DDX31: variants seen among roughly 807,000 people sequenced by gnomAD.
DDX31 encodes DEAD-box helicase 31, also known as ATP-dependent DNA helicase DDX31.
In DDX31, 70 loss-of-function variants were observed where a neutral mutation model predicts 91.3. That is an observed-to-expected ratio of 0.77 (90% CI 0.63 to 0.94). The LOEUF (loss-of-function observed/expected upper bound fraction) is 0.94. Among genes scored for constraint, DDX31 ranks in the 40% least tolerant of loss-of-function variants. The pLI, the probability that DDX31 is intolerant of heterozygous loss-of-function variation, is 0.00. For synonymous variants in DDX31, 362 were observed against 350.6 expected (o/e 1.03, Z -0.36); for missense variants, 902 against 925.0 (o/e 0.98, Z 0.32).
intron 6 of DDX31, chr9:132,658,135 A>G: frequency 3.5e-6 from 2 of 578,196 alleles, no homozygotes; most frequent in Non-Finnish European, 6.2e-6. Flanking sequence ...AAAAGGTCCC[A>G]CGTTAGGTAC....
intron 14 of DDX31, among the ~76,000 whole-genome samples, chr9:132,633,552 T>C (rs541303625): frequency 1.3e-5 from 2 of 152,228 alleles, no homozygotes; most frequent in Non-Finnish European, 2.9e-5. Flanking sequence ...GATTTCTATA[T>C]ACGGATATGG....
chr9:132,634,874 C>T (rs1833010737), intron 14 of DDX31, among the ~76,000 whole-genome samples: 1 of 152,124 alleles, frequency 6.6e-6, no homozygotes, highest in Non-Finnish European at 1.5e-5. Context: ...CCTTAAGATG[C>T]CTCTTACAGT....
At position 132,618,404 on chromosome 9, in the gene DDX31, C is replaced by A; in HGVS notation, c.1751G>T (p.Arg584Leu). Residue 584 changes from arginine to leucine, a missense_variant, in exon 18 of 20, where the codon CGA becomes CTA. Physicochemically the swap from Arg to Leu is moderately radical, Grantham distance 102. Coordinates refer to ENST00000372159, the MANE Select transcript of DDX31 (RefSeq NM_022779.9). ...HAVGPQEIRE[R>L]ATVLQTVFED... ...AAATACCGTCTGCAAGACTGTGGCT[C>A]GCTCTCGGATTTCCTGGGGGCCAAC... The A allele has an allele frequency of 6.2e-7, 1 of 1,611,854 alleles. No individual in the cohort carries two copies. The highest frequency in any genetic ancestry group is 8.5e-7 in the Non-Finnish European group (1 of 1,179,120).
intron 1 of DDX31, among the ~76,000 whole-genome samples, chr9:132,667,801 A>C (rs1835416132): frequency 6.6e-6 from 1 of 152,200 alleles, no homozygotes; most frequent in South Asian, 2.1e-4. Context: ...CTGATGTAGC[A>C]ATCTATTATC....
chr9:132,630,278 A>C lies in DDX31; in HGVS notation c.1617T>G (p.Ala539=). The part of the protein sequence containing the change: ...PSEAEYVNSL[A]SHKINVSEIK... ...TTCTGACTCACTTGATTTTGTGAGA[A>C]GCCAACGAGTTGACATATTCTGCCT... Residue 539 remains alanine, a synonymous_variant, in exon 16 of 20, where the codon GCT becomes GCG. Coordinates refer to ENST00000372159, the MANE Select transcript of DDX31 (RefSeq NM_022779.9). 6.3e-7 allele frequency: 1 copy of C among 1,576,894 alleles called. No homozygotes were observed. Among genetic ancestry groups the C allele is most frequent in the Non-Finnish European group, 8.7e-7 (1 of 1,151,082 alleles).
chr9:132,653,066 T>C (rs990329199), intron 6 of DDX31, among the ~76,000 whole-genome samples: 1 of 151,744 alleles, frequency 6.6e-6, no homozygotes, highest in Non-Finnish European at 1.5e-5. Flanking sequence ...ATGTATAAAA[T>C]TAGAAAATAG....
chr9:132,646,770 A>T, intron 12 of DDX31, 53 bp downstream of exon 12: 1 of 1,578,028 alleles, frequency 6.3e-7, no homozygotes, highest in Non-Finnish European at 8.7e-7. Context: ...GCTTAACACA[A>T]GAAAGCAGGC....
chr9:132,619,875 CCT>C (rs895393158), intron 17 of DDX31, among the ~76,000 whole-genome samples: 2 of 150,776 alleles, frequency 1.3e-5, no homozygotes, highest in Non-Finnish European at 2.9e-5. Context: ...TGTCACCTTC[CCT>C]GTGTTTTTTT....
chr9:132,666,759 TGCAGTGGC>T (rs1407287088), intron 1 of DDX31, among the ~76,000 whole-genome samples: 1 of 150,736 alleles, frequency 6.6e-6, no homozygotes, highest in African/African-American at 2.4e-5. Flanking sequence ...CAGGCTGGAG[TGCAGTGGC>T]GCAATCTCGG....
chr9:132,608,927 C>T (rs777890491), intron 19 of DDX31, among the ~76,000 whole-genome samples: 1 of 152,184 alleles, frequency 6.6e-6, no homozygotes, highest in Non-Finnish European at 1.5e-5. Flanking sequence ...CTTACCCTGA[C>T]CACAATTATA....
intron 18 of DDX31, among the ~76,000 whole-genome samples, chr9:132,616,675 T>G (rs750754278): frequency 6.6e-6 from 1 of 152,254 alleles, no homozygotes; most frequent in Non-Finnish European, 1.5e-5. Flanking sequence ...AAAGACCCTA[T>G]TCCTCTTGAG....
Position 132,650,251 on chromosome 9 carries a change from T to C in DDX31, c.723A>G (p.Arg241=). ...CTTCCTACCTGGCCTTTTCTGATTT[T>C]CTCTTCTCTCCTCCCATTAACACTC... ...VPGVLMGGEK[R]KSEKARLRKG... The change falls in exon 9 of 20, where the codon AGA becomes AGG. Residue 241 remains arginine (R), a synonymous_variant. Coordinates refer to ENST00000372159, the MANE Select transcript of DDX31 (RefSeq NM_022779.9). 1 of 1,614,152 alleles carries C rather than the reference T, an allele frequency of 6.2e-7. No homozygotes were observed. Among genetic ancestry groups the C allele is most frequent in the Non-Finnish European group, 8.5e-7 (1 of 1,180,002 alleles).
chr9:132,625,443 T>C (rs1832334227), intron 17 of DDX31, among the ~76,000 whole-genome samples: 1 of 151,360 alleles, frequency 6.6e-6, no homozygotes. Context: ...GCTTCCAGAA[T>C]GGACCGTAGC....
At chr9:132,614,937 G>A (rs373059873) in intron 18 of DDX31, among the ~76,000 whole-genome samples, 1 of 152,176 alleles carries the variant, frequency 6.6e-6, no homozygotes, top group Admixed American at 6.5e-5. Flanking sequence ...ATTCAGAGAA[G>A]CAGGAATTTC....
At chr9:132,668,522 C>A (rs1835466277) in intron 1 of DDX31, among the ~76,000 whole-genome samples, 2 of 151,770 alleles carry the variant, frequency 1.3e-5, no homozygotes, top group Admixed American at 1.3e-4. Flanking sequence ...CATGATCCAG[C>A]CCTCGAGAGG....
chr9:132,624,359 G>A (rs963776273), intron 17 of DDX31, among the ~76,000 whole-genome samples: 1 of 152,072 alleles, frequency 6.6e-6, no homozygotes, highest in African/African-American at 2.4e-5. Context: ...GTACTGACTT[G>A]CTTAAAGTAA....
intron 3 of DDX31, 47 bp downstream of exon 3, chr9:132,662,214 A>G (rs768091639): frequency 5.2e-5 from 84 of 1,601,756 alleles, no homozygotes; most frequent in Non-Finnish European, 6.7e-5. Flanking sequence ...CTGAACGGAC[A>G]AACACACCAA....
intron 14 of DDX31, among the ~76,000 whole-genome samples, chr9:132,639,001 A>G (rs1217586321): frequency 1.3e-5 from 2 of 152,206 alleles, no homozygotes; most frequent in East Asian, 3.9e-4. Context: ...TTATCAAAAG[A>G]AGCCAGTTCT....
At chr9:132,640,568 C>T (rs1833437594) in intron 14 of DDX31, among the ~76,000 whole-genome samples, 1 of 152,234 alleles carries the variant, frequency 6.6e-6, no homozygotes, top group East Asian at 1.9e-4. Flanking sequence ...GCAATCACAG[C>T]TCACTGTAGC....
Sources: gnomAD v4.1 joint callset for allele counts (sites outside exome capture counted in the v4.1 genomes callset) on GRCh38, gnomAD v4.1.1 for gene constraint, MANE v1.5 for transcripts, NCBI Gene and HGNC (gene_info 2026-07-23, HGNC 2026-07-21) for gene names.